The following ABHD5 variants were observed in gnomAD, a reference collection of about 807,000 sequenced individuals.
ABHD5 encodes the protein 1-acylglycerol-3-phosphate O-acyltransferase ABHD5.
Under a neutral mutation model 44.9 loss-of-function variants are expected in ABHD5, and 30 were observed. That is an observed-to-expected ratio of 0.67 (90% CI 0.50 to 0.91). The LOEUF (loss-of-function observed/expected upper bound fraction) is 0.91. ABHD5 is among the 40% of genes least tolerant of loss of function. The pLI is 0.00. For synonymous variants in ABHD5, 167 were observed against 147.0 expected, an observed-to-expected ratio of 1.14 and a Z score of -0.99; for missense variants, 399 against 423.4, an observed-to-expected ratio of 0.94 and a Z score of 0.50.
chr3:43,706,369 A>G (rs2084619344), intron 3 of ABHD5, among the ~76,000 whole-genome samples: 1 of 152,104 alleles, frequency 6.6e-6, no homozygotes, highest in Non-Finnish European at 1.5e-5. Context: ...GGAGGGAAAA[A>G]GTGGTCTGGA....
intron 1 of ABHD5, among the ~76,000 whole-genome samples, chr3:43,691,895 CTG>C (rs1024603957): frequency 2.6e-4 from 39 of 152,150 alleles, no homozygotes; most frequent in Admixed American, 2.4e-3. Flanking sequence ...GTATAGGAAA[CTG>C]TGGAAGTTGG....
At chr3:43,714,425 G>A (rs995830031) in intron 4 of ABHD5, among the ~76,000 whole-genome samples, 2 of 152,070 alleles carry the variant, frequency 1.3e-5, no homozygotes, top group Non-Finnish European at 2.9e-5. Flanking sequence ...GAGCCATCAC[G>A]CCTGGGTGTC....
chr3:43,704,667 G>C (rs2084593183), intron 3 of ABHD5, among the ~76,000 whole-genome samples: 2 of 152,114 alleles, frequency 1.3e-5, no homozygotes. Context: ...AAGAAATAGG[G>C]GGCTTCAGGG....
intron 5 of ABHD5, among the ~76,000 whole-genome samples, chr3:43,715,725 A>G (rs896059394): frequency 5.3e-5 from 8 of 152,346 alleles, no homozygotes; most frequent in African/African-American, 1.9e-4. Context: ...AGAATTTCAC[A>G]TAAAGAAGTA....
At chr3:43,699,526 G>A in intron 2 of ABHD5, 165 bp downstream of exon 2, 4 of 721,284 alleles carry the variant, frequency 5.5e-6, no homozygotes, top group Non-Finnish European at 9.4e-6. Context: ...AATGTCGGGG[G>A]CTGGCAGGTA....
Position 43,694,280 on chromosome 3 carries a change from G to C in ABHD5, c.47+3241G>C, listed in dbSNP as rs1295756000. Among the ~76,000 whole-genome samples the C allele has an allele frequency of 1.4e-4, 17 of 125,478 alleles. No individual in the cohort carries two copies. In the Admixed American group the frequency reaches 1.4e-3, roughly 10 times the overall value. 82.3% of individuals were successfully genotyped at this position (125,478 alleles called of 152,430 possible). On this transcript the variant is annotated intron_variant, in intron 1 of 6. Coordinates refer to ENST00000644371, the MANE Select transcript of ABHD5 (RefSeq NM_016006.6). ...TCTCAAAAAAAAAAAAAAAAAAAAAGCTCAGTTCTTCCTCTTGAAACATTA... is the reference window on the plus strand; with the variant it reads ...TCTCAAAAAAAAAAAAAAAAAAAAACCTCAGTTCTTCCTCTTGAAACATTA...
Position 43,717,696 on chromosome 3 carries a change from A to T in ABHD5, c.799A>T (p.Thr267Ser). ...TGGTGAGACAGCTTTCAAGAATATG[A>T]CTATTCCTTATGGATGGGCAAAAAG... ...PSGETAFKNM[T>S]IPYGWAKRPM... Residue 267 changes from threonine to serine, a missense_variant, in exon 6 of 7, where the codon ACT becomes TCT. Transcript: ENST00000644371. 2 of 1,614,194 alleles carry T rather than the reference A, an allele frequency of 1.2e-6. No individual in the cohort carries two copies. The highest frequency in any genetic ancestry group is 8.5e-7 in the Non-Finnish European group (1 of 1,180,026).
intron 4 of ABHD5, among the ~76,000 whole-genome samples, chr3:43,714,198 G>A (rs1224851096): frequency 6.7e-6 from 1 of 149,092 alleles, no homozygotes; most frequent in Admixed American, 6.7e-5. Context: ...GCAGTGGCGC[G>A]ATCTTGGCTC....
In ABHD5 at chr3:43,715,008, A is replaced by G. The variant is rs1450596564; in HGVS notation, c.723A>G (p.Glu241=). The G allele has an allele frequency of 6.2e-7, 1 of 1,613,660 alleles. No homozygotes were observed. The highest frequency in any genetic ancestry group is 2.2e-5 in the East Asian group (1 of 44,840). The change falls in exon 5 of 7, where the codon GAA becomes GAG. Residue 241 remains glutamate, a synonymous_variant. Coordinates refer to ENST00000644371, the MANE Select transcript of ABHD5 (RefSeq NM_016006.6). ...AACGAAAGTATTCTTCAATGTTCGAAGACGATACTGTGACAGAATACATCT... is the reference window on the plus strand; with the variant it reads ...AACGAAAGTATTCTTCAATGTTCGAGGACGATACTGTGACAGAATACATCT... ...DFKRKYSSMF[E]DDTVTEYIYH... is the part of the protein sequence containing the mutation.
chr3:43,692,601 T>G (rs906246416), intron 1 of ABHD5, among the ~76,000 whole-genome samples: 2 of 152,260 alleles, frequency 1.3e-5, no homozygotes, highest in Non-Finnish European at 2.9e-5. Flanking sequence ...CAATATGCTT[T>G]AGCAGTGTCC....
At chr3:43,731,788 G>A (rs539327256) in intron 7 of ABHD5, among the ~76,000 whole-genome samples, 3 of 152,236 alleles carry the variant, frequency 2.0e-5, no homozygotes, top group East Asian at 3.9e-4. Flanking sequence ...AGCTGAGATC[G>A]TGCCATTGCA....
At chr3:43,708,264 CAT>C (rs1162431546) in intron 3 of ABHD5, among the ~76,000 whole-genome samples, 1 of 152,208 alleles carries the variant, frequency 6.6e-6, no homozygotes, top group East Asian at 1.9e-4. Flanking sequence ...GGATGACTCA[CAT>C]GTGCTATCTG....
chr3:43,726,683 A>C (rs1052790443), downstream of ABHD5, among the ~76,000 whole-genome samples: 1 of 152,216 alleles, frequency 6.6e-6, no homozygotes, highest in African/African-American at 2.4e-5. Context: ...TTCGGCAAAC[A>C]TCTGAGCATG....
At chr3:43,728,523 C>G (rs999062354) in intron 7 of ABHD5, among the ~76,000 whole-genome samples, 1 of 152,062 alleles carries the variant, frequency 6.6e-6, no homozygotes, top group African/African-American at 2.4e-5. Context: ...CTCCACTCTC[C>G]AAAAAATGAT....
At chr3:43,707,749 T>G (rs1008550902) in intron 3 of ABHD5, 1 of 152,364 alleles carries the variant, frequency 6.6e-6, no homozygotes. Context: ...GTGCCTCAGC[T>G]TCCCGAGTAG....
At chr3:43,732,105 T>C (rs1290288765) in intron 7 of ABHD5, among the ~76,000 whole-genome samples, 1 of 152,188 alleles carries the variant, frequency 6.6e-6, no homozygotes, top group Non-Finnish European at 1.5e-5. Flanking sequence ...ATATTCTTTA[T>C]GAAGCTTAAT....
Position 43,720,103 on chromosome 3 carries a change from T to C in ABHD5, c.*1571T>C, listed in dbSNP as rs1261178829. The C allele has an allele frequency of 1.3e-5, 2 of 152,238 alleles. No individual in the cohort carries two copies. The highest frequency in any genetic ancestry group is 4.8e-5 in the African/African-American group (2 of 41,470). 9.4% of individuals were successfully genotyped at this position (152,238 alleles called of 1,614,324 possible). Reference sequence around the variant, plus strand: ...TCACTTGTCAGATTAACTAGGTTAGTGCAGGAAGCAACATGAGCGCCAAGA... The same window carrying C: ...TCACTTGTCAGATTAACTAGGTTAGCGCAGGAAGCAACATGAGCGCCAAGA... On this transcript the variant is annotated 3_prime_UTR_variant, in exon 7 of 7. Transcript: ENST00000644371.
chr3:43,691,022 T>G lies in ABHD5; in HGVS notation c.30T>G (p.Ser10=), dbSNP rs142160005. MAAEEEEVD[S]ADTGERSGWL... is the part of the protein sequence containing the mutation. ...CGGCGGAGGAGGAGGAGGTGGACTC[T>G]GCCGACACCGGAGAGAGGTAAGCGC... The change falls in exon 1 of 7, where the codon TCT becomes TCG. Residue 10 remains serine (S), a synonymous_variant. Transcript: ENST00000644371. 3.2e-6 allele frequency: 5 copies of G among 1,563,824 alleles called. No individual in the cohort carries two copies. In the African/African-American group the frequency reaches 5.7e-5, roughly 18 times the overall value.
Position 43,721,573 on chromosome 3 carries a change from A to G in ABHD5, c.*3041A>G, listed in dbSNP as rs1015075678. The G allele has an allele frequency of 6.6e-6, 1 of 151,820 alleles. No individual in the cohort carries two copies. Among genetic ancestry groups the G allele is most frequent in the Admixed American group, 6.6e-5 (1 of 15,234 alleles). 9.4% of individuals were successfully genotyped at this position (151,820 alleles called of 1,614,324 possible). ...AGGACTGGCTCTACCAAAAAAAAAA[A>G]AAAAAAAAAATTAAGTACCTGGCCT... On this transcript the variant is annotated 3_prime_UTR_variant, in exon 7 of 7. Coordinates refer to ENST00000644371, the MANE Select transcript of ABHD5 (RefSeq NM_016006.6).
Sources: gnomAD v4.1 joint callset for allele counts (sites outside exome capture counted in the v4.1 genomes callset) on GRCh38, gnomAD v4.1.1 for gene constraint, MANE v1.5 for transcripts, NCBI Gene and HGNC (gene_info 2026-07-23, HGNC 2026-07-21) for gene names.